The following CWC27 variants were observed in gnomAD, a reference collection of about 807,000 sequenced individuals.
CWC27 encodes spliceosome-associated protein CWC27 homolog.
CWC27 carries 47 observed loss-of-function variants against 63.6 expected under a neutral mutation model. The observed-to-expected ratio is 0.74, with a 90% confidence interval of 0.58 to 0.94. CWC27 has a LOEUF of 0.94. Among genes scored for constraint, CWC27 ranks in the 40% least tolerant of loss-of-function variants. The pLI is 0.00. For synonymous variants in CWC27, 175 were observed against 179.8 expected, an observed-to-expected ratio of 0.97 and a Z score of 0.22; for missense variants, 495 against 554.3, an observed-to-expected ratio of 0.89 and a Z score of 1.07.
intron 10 of CWC27, among the ~76,000 whole-genome samples, chr5:64,858,516 G>GA (rs1265793934): frequency 6.6e-6 from 1 of 150,786 alleles, no homozygotes; most frequent in Non-Finnish European, 1.5e-5. Context: ...CAGATTCAGA[G>GA]AAAATATTGA....
At chr5:64,792,092 A>G (rs897438774) in intron 7 of CWC27, among the ~76,000 whole-genome samples, 3 of 152,198 alleles carry the variant, frequency 2.0e-5, no homozygotes, top group South Asian at 4.1e-4. Context: ...TCTCTTTACT[A>G]TAGAAATAAG....
intron 10 of CWC27, among the ~76,000 whole-genome samples, chr5:64,854,120 G>A (rs923081007): frequency 3.3e-5 from 5 of 152,168 alleles, no homozygotes; most frequent in Non-Finnish European, 5.9e-5. Flanking sequence ...AGTTTATGCA[G>A]GTCATACTAT....
intron 10 of CWC27, among the ~76,000 whole-genome samples, chr5:64,841,299 A>T (rs1318027646): frequency 6.6e-6 from 1 of 152,216 alleles, no homozygotes; most frequent in Non-Finnish European, 1.5e-5. Context: ...GCTCACACCC[A>T]TAATGATGAA....
At chr5:64,876,717 C>T (rs753740869) in intron 10 of CWC27, among the ~76,000 whole-genome samples, 1 of 151,882 alleles carries the variant, frequency 6.6e-6, no homozygotes, top group Non-Finnish European at 1.5e-5. Flanking sequence ...TAATATTTCT[C>T]GTGACATAAG....
chr5:64,971,616 C>T, intron 11 of CWC27, 87 bp from the exon 12 acceptor site: 2 of 1,054,812 alleles, frequency 1.9e-6, no homozygotes, highest in Non-Finnish European at 2.7e-6. Flanking sequence ...GTGCCAACCT[C>T]CTCTTCAGCA....
chr5:64,925,587 G>A (rs1158463478), intron 11 of CWC27, among the ~76,000 whole-genome samples: 1 of 152,178 alleles, frequency 6.6e-6, no homozygotes, highest in Admixed American at 6.5e-5. Flanking sequence ...GCTGAGTCAC[G>A]TGCCATTTAT....
chr5:64,927,618 T>C (rs1259612700), intron 11 of CWC27, among the ~76,000 whole-genome samples: 1 of 152,166 alleles, frequency 6.6e-6, no homozygotes, highest in South Asian at 2.1e-4. Context: ...TCCCTTCTCC[T>C]TCTTTTGCAA....
At chr5:64,905,280 C>T (rs1371474532) in intron 11 of CWC27, among the ~76,000 whole-genome samples, 1 of 150,282 alleles carries the variant, frequency 6.7e-6, no homozygotes, top group African/African-American at 2.5e-5. Context: ...TTACTACCTT[C>T]TCCACACTCA....
rs556421409 is a variant in CWC27 at position 64,797,941 on chromosome 5, A to G, written c.670-2307A>G. 1.6e-4 allele frequency among the ~76,000 whole-genome samples: 25 copies of G among 152,154 alleles called. 1 individual carries two copies. The highest frequency in any genetic ancestry group is 3.2e-4 in the Non-Finnish European group (22 of 68,018). On this transcript the variant is annotated intron_variant, in intron 7 of 13. Coordinates refer to ENST00000381070, the MANE Select transcript of CWC27 (RefSeq NM_005869.4). ...TAAGTCATTTTCTGATCAGTGGACC[A>G]AAAGGCTAGAACAGAGGATCTGGGG...
At chr5:64,879,648 A>G (rs1327388486) in intron 10 of CWC27, among the ~76,000 whole-genome samples, 1 of 151,924 alleles carries the variant, frequency 6.6e-6, no homozygotes, top group Non-Finnish European at 1.5e-5. Flanking sequence ...ATCTAACCAG[A>G]AGCCATTGAA....
At chr5:64,863,412 C>A (rs1746458294) in intron 10 of CWC27, among the ~76,000 whole-genome samples, 1 of 151,908 alleles carries the variant, frequency 6.6e-6, no homozygotes, top group Non-Finnish European at 1.5e-5. Flanking sequence ...CCTCTGTTCT[C>A]CCCTACTCTG....
At chr5:64,813,579 G>A (rs953578365) in intron 10 of CWC27, among the ~76,000 whole-genome samples, 2 of 152,172 alleles carry the variant, frequency 1.3e-5, no homozygotes, top group Admixed American at 6.6e-5. Flanking sequence ...ATCCTTGAGA[G>A]TTAGAATCCA....
chr5:64,931,539 T>C (rs1368537776), intron 11 of CWC27, among the ~76,000 whole-genome samples: 1 of 151,920 alleles, frequency 6.6e-6, no homozygotes, highest in African/African-American at 2.4e-5. Context: ...CTTAACCCAT[T>C]TTTTTACCCA....
At chr5:64,978,473 C>T (rs976226399) in intron 13 of CWC27, among the ~76,000 whole-genome samples, 10 of 152,192 alleles carry the variant, frequency 6.6e-5, no homozygotes, top group Non-Finnish European at 1.3e-4. Context: ...GAAGCTGTCT[C>T]CTTCCATAGT....
chr5:64,817,926 CATTTG>C (rs1248968193), intron 10 of CWC27, among the ~76,000 whole-genome samples: 2 of 152,064 alleles, frequency 1.3e-5, no homozygotes, highest in African/African-American at 2.4e-5. Flanking sequence ...TGTAATTTCA[CATTTG>C]ATTTATTTTT....
intron 13 of CWC27, among the ~76,000 whole-genome samples, chr5:65,016,146 T>C (rs1750044131): frequency 6.6e-6 from 1 of 152,210 alleles, no homozygotes; most frequent in African/African-American, 2.4e-5. Flanking sequence ...TGTCTTACTT[T>C]CAGAAGCTAA....
intron 10 of CWC27, among the ~76,000 whole-genome samples, chr5:64,814,800 A>G (rs942905350): frequency 1.1e-4 from 16 of 152,286 alleles, no homozygotes; most frequent in African/African-American, 3.8e-4. Context: ...TAGGGGATGG[A>G]TTAGAAGGAG....
chr5:64,877,427 G>A (rs1047317315), intron 10 of CWC27, among the ~76,000 whole-genome samples: 11 of 151,946 alleles, frequency 7.2e-5, no homozygotes, highest in Admixed American at 2.6e-4. Flanking sequence ...GTGTTGGGGG[G>A]GATGAAGAGA....
intron 13 of CWC27, among the ~76,000 whole-genome samples, chr5:65,001,685 G>A (rs1252670861): frequency 6.6e-6 from 1 of 152,002 alleles, no homozygotes; most frequent in Non-Finnish European, 1.5e-5. Flanking sequence ...ATCATGGTGT[G>A]TATTATCTTT....
Sources: allele counts gnomAD v4.1 joint callset (sites outside exome capture counted in the v4.1 genomes callset), GRCh38; gene constraint gnomAD v4.1.1; transcripts MANE v1.5; gene names NCBI Gene and HGNC (gene_info 2026-07-23, HGNC 2026-07-21).